The following STK4 variants were observed in gnomAD, a reference collection of about 807,000 sequenced individuals.
The protein encoded by STK4 is serine/threonine-protein kinase 4.
STK4 carries 30 observed loss-of-function variants against 64.9 expected under a neutral mutation model. That is an observed-to-expected ratio of 0.46 (90% CI 0.35 to 0.63). The LOEUF is 0.63. STK4 is among the 20% of genes least tolerant of loss of function. The pLI is 0.01. For synonymous variants in STK4, 177 were observed against 199.0 expected (o/e 0.89, Z 0.93); for missense variants, 466 against 598.5 (o/e 0.78, Z 2.31).
intron 9 of STK4, among the ~76,000 whole-genome samples, chr20:45,021,687 C>G (rs186962461): frequency 2.2e-4 from 33 of 152,310 alleles, no homozygotes; most frequent in Admixed American, 1.2e-3. Context: ...AACAAAAAAT[C>G]CAAAGAATCA....
intron 10 of STK4, among the ~76,000 whole-genome samples, chr20:45,066,843 C>T (rs1199277898): frequency 1.3e-5 from 2 of 152,130 alleles, no homozygotes; most frequent in Non-Finnish European, 2.9e-5. Context: ...TATTAAAATT[C>T]CCACAAGGCT....
intron 4 of STK4, 75 bp from the exon 5 acceptor site, chr20:44,987,057 G>A (rs1601205700): frequency 8.0e-7 from 1 of 1,247,302 alleles, no homozygotes; most frequent in Non-Finnish European, 1.1e-6. Context: ...AGAAAGGTTT[G>A]GATCTGATTT....
At position 44,987,164 on chromosome 20, in the gene STK4, A is replaced by G. The variant is rs2067543865; in HGVS notation, c.393A>G (p.Gln131=). 7.5e-6 allele frequency: 12 copies of G among 1,602,924 alleles called. No homozygotes were observed. Among genetic ancestry groups the G allele is most frequent in the Non-Finnish European group, 9.4e-6 (11 of 1,174,632 alleles). Residue 131 remains glutamine (Q), a synonymous_variant, in exon 5 of 11, where the codon CAA becomes CAG. Transcript: ENST00000372806. Reference sequence around the variant, plus strand: ...AAGATGAAATAGCTACAATATTACAATCAACTCTTAAGGGACTTGAATACC... The same window carrying G: ...AAGATGAAATAGCTACAATATTACAGTCAACTCTTAAGGGACTTGAATACC... The part of the protein sequence containing the change: ...LTEDEIATIL[Q]STLKGLEYLH...
Position 45,004,855 on chromosome 20 carries a change from G to A in STK4, c.1147+3502G>A, listed in dbSNP as rs575216985. 2.7e-5 allele frequency among the ~76,000 whole-genome samples: 4 copies of A among 148,404 alleles called. No individual in the cohort carries two copies. In the South Asian group the frequency reaches 6.4e-4, roughly 24 times the overall value. Reference sequence around the variant, plus strand: ...GCGATCTTGGCTCACTGCAACCTCCGCCTCCCAGGTTCAAGCGATTCTCCT... The same window carrying A: ...GCGATCTTGGCTCACTGCAACCTCCACCTCCCAGGTTCAAGCGATTCTCCT... On this transcript the variant is annotated intron_variant, in intron 9 of 10. Coordinates refer to ENST00000372806, the MANE Select transcript of STK4 (RefSeq NM_006282.5).
rs2068490995 is a variant in STK4 at position 45,034,189 on chromosome 20, T to C, written c.1305+9059T>C. ...TCTTTTTAGAATACAAGAAAGATTA[T>C]AAATAAGTTAAAAATAGGATAAAGA... is the stretch of plus-strand genomic sequence containing the variant. On this transcript the variant is annotated intron_variant, in intron 10 of 10. Transcript: ENST00000372806. Among the ~76,000 whole-genome samples the C allele has an allele frequency of 2.0e-5, 3 of 151,868 alleles. No individual in the cohort carries two copies. In the South Asian group the frequency reaches 6.2e-4, roughly 31 times the overall value.
intron 10 of STK4, among the ~76,000 whole-genome samples, chr20:45,051,899 T>C (rs968499567): frequency 6.6e-6 from 1 of 152,186 alleles, no homozygotes; most frequent in Non-Finnish European, 1.5e-5. Flanking sequence ...TGTCTAACCC[T>C]TGATTGTCTT....
intron 10 of STK4, among the ~76,000 whole-genome samples, chr20:45,034,749 CA>C (rs1179668973): frequency 1.3e-5 from 2 of 150,586 alleles, no homozygotes; most frequent in Admixed American, 1.3e-4. Flanking sequence ...CCCATCTCTA[CA>C]AAAAAAAGGA....
intron 9 of STK4, among the ~76,000 whole-genome samples, chr20:45,016,505 ATTGT>A (rs536814492): frequency 9.8e-4 from 149 of 152,270 alleles, no homozygotes; most frequent in African/African-American, 3.4e-3. Context: ...CTAAATCCTA[ATTGT>A]TTGTGCAGTT....
In STK4 at chr20:44,987,288, C is replaced by A; in HGVS notation, c.517C>A (p.Gln173Lys). The change falls in exon 5 of 11, where the codon CAA becomes AAA. Residue 173 changes from glutamine to lysine, a missense_variant. Physicochemically the swap from Gln to Lys is moderately conservative, Grantham distance 53. This residue lies in a region of STK4 where 190 missense variants were observed against 289.7 expected (regional missense o/e 0.66). Coordinates refer to ENST00000372806, the MANE Select transcript of STK4 (RefSeq NM_006282.5). ...AKLADFGVAG[Q>K]LTDTMAKRNT... ...ACTTGCAGATTTTGGGGTAGCAGGT[C>A]AACTTACAGTAAGTAAAAATATTAC... 6.2e-7 allele frequency: 1 copy of A among 1,608,874 alleles called. No individual in the cohort carries two copies. The highest frequency in any genetic ancestry group is 1.1e-5 in the South Asian group (1 of 89,868).
intron 10 of STK4, 127 bp from the exon 11 acceptor site, chr20:45,074,891 T>C: frequency 1.8e-6 from 2 of 1,118,894 alleles, no homozygotes; most frequent in Non-Finnish European, 2.6e-6. Context: ...CCACTCAACC[T>C]GTGATCTGAC....
At chr20:45,068,773 T>A (rs1979808977) in intron 10 of STK4, among the ~76,000 whole-genome samples, 1 of 152,206 alleles carries the variant, frequency 6.6e-6, no homozygotes, top group African/African-American at 2.4e-5. Context: ...GATACCTACC[T>A]TACAGATGGA....
At chr20:45,000,341 G>T in intron 7 of STK4, 51 bp from the exon 8 acceptor site, 1 of 1,578,166 alleles carries the variant, frequency 6.3e-7, no homozygotes, top group Non-Finnish European at 8.6e-7. Context: ...TACTGTTTTG[G>T]CACTGTCACC....
chr20:45,008,176 T>C (rs1225150892), intron 9 of STK4, among the ~76,000 whole-genome samples: 1 of 152,154 alleles, frequency 6.6e-6, no homozygotes, highest in Non-Finnish European at 1.5e-5. Context: ...TGCCTCAGCC[T>C]CCTGAGTAGC....
intron 9 of STK4, among the ~76,000 whole-genome samples, chr20:45,022,197 A>G (rs2068260443): frequency 6.6e-6 from 1 of 152,196 alleles, no homozygotes; most frequent in African/African-American, 2.4e-5. Flanking sequence ...TGCTATAATT[A>G]AATTTCTAAT....
chr20:45,002,364 C>A (rs2067857171), intron 9 of STK4, among the ~76,000 whole-genome samples: 1 of 152,132 alleles, frequency 6.6e-6, no homozygotes, highest in South Asian at 2.1e-4. Context: ...TTATTCTTTT[C>A]AGTTTCTGAA....
chr20:45,011,493 C>G (rs963498930), intron 9 of STK4, among the ~76,000 whole-genome samples: 1 of 151,630 alleles, frequency 6.6e-6, no homozygotes, highest in Non-Finnish European at 1.5e-5. Context: ...AGAAGTCAGC[C>G]AAAACATCTC....
intron 10 of STK4, among the ~76,000 whole-genome samples, chr20:45,060,858 C>T (rs1978931297): frequency 6.6e-6 from 1 of 152,154 alleles, no homozygotes; most frequent in Non-Finnish European, 1.5e-5. Flanking sequence ...CCACAACTAG[C>T]GTGAAGGGAG....
chr20:45,050,706 C>G (rs2068764169), intron 10 of STK4, among the ~76,000 whole-genome samples: 1 of 152,014 alleles, frequency 6.6e-6, no homozygotes, highest in Non-Finnish European at 1.5e-5. Context: ...GCTAGAATAT[C>G]TTTTAAAGCT....
chr20:45,045,136 C>T (rs1408162729), intron 10 of STK4, among the ~76,000 whole-genome samples: 3 of 152,098 alleles, frequency 2.0e-5, no homozygotes, highest in Non-Finnish European at 4.4e-5. Context: ...AGCAGTTAAG[C>T]CTGGATTTCT....
Sources: allele counts gnomAD v4.1 joint callset (sites outside exome capture counted in the v4.1 genomes callset), GRCh38; gene constraint gnomAD v4.1.1; regional missense constraint gnomAD v4.1.1; transcripts MANE v1.5; gene names NCBI Gene and HGNC (gene_info 2026-07-23, HGNC 2026-07-21).